Variants in VCL observed in about 807,000 individuals in gnomAD.
VCL encodes epididymis luminal protein 114.
In VCL, 47 loss-of-function variants were observed where a neutral mutation model predicts 125.7. The ratio of observed to expected loss-of-function variants is 0.37; its 90% CI spans 0.30 to 0.48. The LOEUF (loss-of-function observed/expected upper bound fraction) is 0.48. VCL is among the 20% of genes least tolerant of loss of function. The pLI is 0.99. For synonymous variants in VCL, 458 were observed against 514.6 expected, an observed-to-expected ratio of 0.89 and a Z score of 1.49; for missense variants, 1,069 against 1,455.5, an observed-to-expected ratio of 0.73 and a Z score of 4.32.
chr10:74,003,827 C>T (rs1446933812), intron 1 of VCL, among the ~76,000 whole-genome samples: 3 of 152,178 alleles, frequency 2.0e-5, no homozygotes, highest in African/African-American at 7.2e-5. Context: ...CCAACAGATC[C>T]TCCCACCTCA....
chr10:74,118,262 G>T lies in VCL; in HGVS notation c.*93G>T, dbSNP rs1840342206. ...GAGCTGCCCAGAGTTGCTGGGAGCT[G>T]AAAAATCACATCCTGGCCTGGCACA... On this transcript the variant is annotated 3_prime_UTR_variant, in exon 22 of 22. Coordinates refer to ENST00000211998, the MANE Select transcript of VCL (RefSeq NM_014000.3). 2.6e-6 allele frequency: 4 copies of T among 1,521,664 alleles called. No individual in the cohort carries two copies. Among genetic ancestry groups the T allele is most frequent in the Middle Eastern group, 1.8e-4 (1 of 5,534 alleles). 94.3% of individuals were successfully genotyped at this position (1,521,664 alleles called of 1,614,324 possible). A position where few individuals can be genotyped will look rare whatever the true frequency, so the allele number is the denominator to read the frequency against.
At chr10:74,075,050 G>C in intron 6 of VCL, 147 bp downstream of exon 6, 1 of 1,040,086 alleles carries the variant, frequency 9.6e-7, no homozygotes, top group Admixed American at 2.4e-5. Flanking sequence ...CTTCATTTCT[G>C]TTTCATAGGT....
intron 1 of VCL, among the ~76,000 whole-genome samples, chr10:74,035,243 CT>C (rs1021362472): frequency 6.0e-5 from 9 of 150,272 alleles, no homozygotes; most frequent in African/African-American, 2.2e-4. Flanking sequence ...ACCAGCCAAC[CT>C]TTTTTTTCTT....
Position 74,072,770 on chromosome 10 carries a change from G to A in VCL, c.540G>A (p.Gln180=), listed in dbSNP as rs769031743. Residue 180 remains glutamine (Q), a synonymous_variant, in exon 5 of 22, where the codon CAG becomes CAA. Coordinates refer to ENST00000211998, the MANE Select transcript of VCL (RefSeq NM_014000.3). ...KMAKMIDERQ[Q]ELTHQEHRVM... is the part of the protein sequence containing the mutation. Reference sequence around the variant, plus strand: ...CCAAGATGATTGACGAGAGACAGCAGGAGCTCACTCACCAGGAGCACCGAG... The same window carrying A: ...CCAAGATGATTGACGAGAGACAGCAAGAGCTCACTCACCAGGAGCACCGAG... 1 of 1,614,062 alleles carries A rather than the reference G, an allele frequency of 6.2e-7. No individual in the cohort carries two copies. Among genetic ancestry groups the A allele is most frequent in the East Asian group, 2.2e-5 (1 of 44,870 alleles).
At chr10:74,108,264 G>T (rs1840168417) in intron 17 of VCL, among the ~76,000 whole-genome samples, 1 of 152,144 alleles carries the variant, frequency 6.6e-6, no homozygotes, top group African/African-American at 2.4e-5. Context: ...TTAGAATCTG[G>T]ATCTTAGAGG....
chr10:74,083,841 G>A (rs939852272), intron 8 of VCL, among the ~76,000 whole-genome samples: 3 of 151,562 alleles, frequency 2.0e-5, no homozygotes, highest in East Asian at 1.9e-4. Flanking sequence ...ATAGGCGCCC[G>A]CCATCACACC....
intron 1 of VCL, among the ~76,000 whole-genome samples, chr10:74,041,628 C>T (rs1841094488): frequency 6.6e-6 from 1 of 152,016 alleles, no homozygotes; most frequent in African/African-American, 2.4e-5. Context: ...AGTGGTGGCT[C>T]ATGCCTGTAA....
At chr10:74,062,397 A>C (rs1591681110) in intron 2 of VCL, among the ~76,000 whole-genome samples, 1 of 103,614 alleles carries the variant, frequency 9.7e-6, no homozygotes, top group Non-Finnish European at 1.8e-5. Flanking sequence ...GTAGAGATGG[A>C]GTCTTGCTAT....
intron 1 of VCL, among the ~76,000 whole-genome samples, chr10:74,029,099 G>C (rs993265181): frequency 6.6e-6 from 1 of 151,912 alleles, no homozygotes; most frequent in African/African-American, 2.4e-5. Context: ...GATTACAGGC[G>C]TGCCTCCATA....
At chr10:74,059,182 C>A (rs1841435395) in intron 2 of VCL, among the ~76,000 whole-genome samples, 1 of 151,980 alleles carries the variant, frequency 6.6e-6, no homozygotes, top group Non-Finnish European at 1.5e-5. Flanking sequence ...TGGTGAAACC[C>A]CATCTCTATT....
In VCL at chr10:73,998,215, T is replaced by C. The variant is rs1285375542; in HGVS notation, c.8T>C (p.Val3Ala). MP[V>A]FHTRTIESIL... The stretch of plus-strand genomic sequence containing the variant: ...GCCCCGCTCGCCGCCGCGATGCCAG[T>C]GTTTCATACGCGCACGATCGAGAGC... Residue 3 changes from valine to alanine, a missense_variant, in exon 1 of 22, where the codon GTG (valine) becomes GCG (alanine). Coordinates refer to ENST00000211998, the MANE Select transcript of VCL (RefSeq NM_014000.3). The C allele has an allele frequency of 1.2e-6, 2 of 1,612,542 alleles. No individual in the cohort carries two copies. The highest frequency in any genetic ancestry group is 1.3e-5 in the African/African-American group (1 of 74,898).
Position 74,071,977 on chromosome 10 carries a change from C to T in VCL, c.500-753C>T, listed in dbSNP as rs1170008877. Among the ~76,000 whole-genome samples the T allele has an allele frequency of 6.6e-6, 1 of 152,090 alleles. No individual in the cohort carries two copies. The highest frequency in any genetic ancestry group is 2.4e-5 in the African/African-American group (1 of 41,402). On this transcript the variant is annotated intron_variant, in intron 4 of 21. Coordinates refer to ENST00000211998, the MANE Select transcript of VCL (RefSeq NM_014000.3). This position sits in a 1 kb window ranked among gnomAD's most constrained non-coding sequence, Gnocchi z 4.1. ...TGCAGAATCCCCAAACAAAAAAAGACAAAATGGAGCTACTTTAGGTGAAGC... is the reference window on the plus strand; with the variant it reads ...TGCAGAATCCCCAAACAAAAAAAGATAAAATGGAGCTACTTTAGGTGAAGC...
In VCL at chr10:73,998,221, A is replaced by C. The variant is rs2136218216; in HGVS notation, c.14A>C (p.His5Pro). 1.2e-6 allele frequency: 2 copies of C among 1,612,888 alleles called. No homozygotes were observed. Among genetic ancestry groups the C allele is most frequent in the Non-Finnish European group, 1.7e-6 (2 of 1,179,544 alleles). MPVF[H>P]TRTIESILEP... Reference sequence around the variant, plus strand: ...CTCGCCGCCGCGATGCCAGTGTTTCATACGCGCACGATCGAGAGCATCCTG... The same window carrying C: ...CTCGCCGCCGCGATGCCAGTGTTTCCTACGCGCACGATCGAGAGCATCCTG... Residue 5 changes from histidine (H) to proline (P), a missense_variant, in exon 1 of 22, where the codon CAT becomes CCT. His to Pro is a moderately conservative substitution (Grantham distance 77). This residue lies in a region of VCL where 96 missense variants were observed against 137.6 expected (regional missense o/e 0.70). Coordinates refer to ENST00000211998, the MANE Select transcript of VCL (RefSeq NM_014000.3).
chr10:74,107,263 G>A lies in VCL; in HGVS notation c.2468G>A (p.Arg823Gln), dbSNP rs759202535. 7.6e-5 allele frequency: 123 copies of A among 1,614,066 alleles called. No homozygotes were observed. The highest frequency in any genetic ancestry group is 1.3e-4 in the Admixed American group (8 of 60,006). The stretch of plus-strand genomic sequence containing the variant: ...AAGAGCTTCCTGGACTCAGGATATC[G>A]GATCCTGGGAGCTGTGGCCAAGGTC... ...LQKSFLDSGY[R>Q]ILGAVAKVRE... The change falls in exon 17 of 22, where the codon CGG becomes CAG. Residue 823 changes from arginine (R) to glutamine (Q), a missense_variant. Physicochemically the swap from Arg to Gln is conservative, Grantham distance 43. Transcript: ENST00000211998.
chr10:74,061,355 C>T (rs1841475781), intron 2 of VCL, among the ~76,000 whole-genome samples: 1 of 152,154 alleles, frequency 6.6e-6, no homozygotes, highest in Admixed American at 6.5e-5. Flanking sequence ...CTGTTTTGGA[C>T]CTATCATTTT....
chr10:74,037,103 G>C (rs1335795151), intron 1 of VCL, among the ~76,000 whole-genome samples: 2 of 152,034 alleles, frequency 1.3e-5, no homozygotes, highest in East Asian at 3.9e-4. Context: ...GTCGAGACGG[G>C]GTTTCACCGT....
intron 1 of VCL, among the ~76,000 whole-genome samples, chr10:73,999,691 C>T (rs1447660099): frequency 6.6e-6 from 1 of 152,004 alleles, no homozygotes; most frequent in Non-Finnish European, 1.5e-5. Flanking sequence ...TTCAGGGGTC[C>T]CTGGACTGTC....
chr10:74,039,624 T>TA (rs927758354), intron 1 of VCL, among the ~76,000 whole-genome samples: 43 of 143,324 alleles, frequency 3.0e-4, no homozygotes, highest in Admixed American at 6.3e-4. Context: ...CTCTACAAAA[T>TA]AAAAAAAAAA....
intron 1 of VCL, among the ~76,000 whole-genome samples, chr10:74,009,880 T>A (rs1840398863): frequency 6.6e-6 from 1 of 152,050 alleles, no homozygotes; most frequent in African/African-American, 2.4e-5. Flanking sequence ...AGTGTTGGGA[T>A]TACAGGCATG....
Sources: gnomAD v4.1 joint callset for allele counts (sites outside exome capture counted in the v4.1 genomes callset) on GRCh38, gnomAD v4.1.1 for gene constraint, gnomAD v4.1.1 regional missense constraint, Gnocchi (gnomAD v3.1) non-coding constraint, MANE v1.5 for transcripts, NCBI Gene and HGNC (gene_info 2026-07-23, HGNC 2026-07-21) for gene names.